Variants in TENM2 observed in about 807,000 individuals in gnomAD.
TENM2 encodes teneurin transmembrane protein 2.
A neutral mutation model predicts 245.2 loss-of-function variants in TENM2; 52 were observed. That is an observed-to-expected ratio of 0.21 (90% CI 0.17 to 0.27). The LOEUF (loss-of-function observed/expected upper bound fraction) is 0.27. Among genes scored for constraint, TENM2 ranks in the 10% least tolerant of loss-of-function variants. TENM2 has a pLI of 1.00. For missense variants in TENM2, 3,046 were observed against 3,666.8 expected, an observed-to-expected ratio of 0.83 and a Z score of 4.37; for synonymous variants, 1,363 against 1,438.9, an observed-to-expected ratio of 0.95 and a Z score of 1.19.
chr5:167,173,632 A>G, the TENM2 span, among the ~76,000 whole-genome samples: 14 of 152,172 alleles, frequency 9.2e-5, no homozygotes, highest in Non-Finnish European at 1.8e-4. Flanking sequence ...AAGAGTGAAG[A>G]CTTGCTACTT....
the TENM2 span, among the ~76,000 whole-genome samples, chr5:167,188,620 A>G: frequency 6.6e-6 from 1 of 152,132 alleles, no homozygotes; most frequent in South Asian, 2.1e-4. Flanking sequence ...AAAGAGTTTG[A>G]CAAGGTTTTT....
chr5:167,665,592 T>C (rs1473580215), intron 2 of TENM2, among the ~76,000 whole-genome samples: 1 of 152,144 alleles, frequency 6.6e-6, no homozygotes, highest in Non-Finnish European at 1.5e-5. Flanking sequence ...AAAAGAGAGA[T>C]ATAAACTAAC....
At chr5:168,154,208 C>G (rs1158179300) in intron 12 of TENM2, among the ~76,000 whole-genome samples, 1 of 132,948 alleles carries the variant, frequency 7.5e-6, no homozygotes, top group Non-Finnish European at 1.6e-5. Context: ...AAGTAAGATA[C>G]ATCTTCCTTT....
the TENM2 span, among the ~76,000 whole-genome samples, chr5:167,097,267 T>A: frequency 6.6e-6 from 1 of 152,152 alleles, no homozygotes; most frequent in African/African-American, 2.4e-5. Context: ...ATTCAGGATG[T>A]TATTTACAAA....
chr5:167,630,454 C>T (rs1582593658), intron 2 of TENM2, among the ~76,000 whole-genome samples: 1 of 152,164 alleles, frequency 6.6e-6, no homozygotes, highest in South Asian at 2.1e-4. Flanking sequence ...AATAATGTTA[C>T]ACAATTTAAA....
the TENM2 span, among the ~76,000 whole-genome samples, chr5:167,149,260 C>T: frequency 6.6e-6 from 1 of 151,826 alleles, no homozygotes; most frequent in Non-Finnish European, 1.5e-5. Flanking sequence ...AGAGGCCTGT[C>T]CTGTTCACTT....
the TENM2 span, among the ~76,000 whole-genome samples, chr5:167,095,201 G>A: frequency 1.4e-4 from 21 of 152,282 alleles, no homozygotes; most frequent in Admixed American, 3.9e-4. Context: ...GAGGATGACC[G>A]TAGATGTTAT....
intron 13 of TENM2, among the ~76,000 whole-genome samples, chr5:168,182,331 A>G (rs1473268603): frequency 1.3e-5 from 2 of 152,248 alleles, no homozygotes; most frequent in African/African-American, 4.8e-5. Context: ...GGAGAGCAGG[A>G]AATATCATTA....
exon 15 of TENM2, chr5:168,195,231 G>A (rs776496865): frequency 1.2e-5 from 20 of 1,608,028 alleles, no homozygotes; most frequent in African/African-American, 6.7e-5. Flanking sequence ...TCCCCTGGTC[G>A]GTGTGAACGT....
At chr5:167,001,031 A>G in the TENM2 span, among the ~76,000 whole-genome samples, 1 of 151,982 alleles carries the variant, frequency 6.6e-6, no homozygotes, top group African/African-American at 2.4e-5. Flanking sequence ...TGGTTTGTTG[A>G]TTGATTGATT....
intron 2 of TENM2, among the ~76,000 whole-genome samples, chr5:167,762,433 C>G (rs981952171): frequency 6.6e-6 from 1 of 152,170 alleles, no homozygotes; most frequent in African/African-American, 2.4e-5. Context: ...CAATCATATT[C>G]TAGAGAGATG....
At chr5:168,096,356 G>A (rs1018333572) in intron 8 of TENM2, among the ~76,000 whole-genome samples, 6 of 152,164 alleles carry the variant, frequency 3.9e-5, no homozygotes, top group Admixed American at 3.9e-4. Flanking sequence ...GAAACAAACA[G>A]GTAGCCACCT....
intron 2 of TENM2, among the ~76,000 whole-genome samples, chr5:167,385,343 A>AT (rs975679228): frequency 7.0e-6 from 1 of 143,058 alleles, no homozygotes; most frequent in African/African-American, 2.6e-5. Flanking sequence ...TTTATCTCTC[A>AT]TTTTTTTAAT....
intron 1 of TENM2, among the ~76,000 whole-genome samples, chr5:167,289,523 G>C (rs1207697519): frequency 6.6e-6 from 1 of 152,162 alleles, no homozygotes; most frequent in African/African-American, 2.4e-5. Context: ...ATCAGTTAAA[G>C]CAAAGAGATA....
chr5:167,957,894 T>G (rs1780687520), intron 4 of TENM2, among the ~76,000 whole-genome samples: 1 of 152,182 alleles, frequency 6.6e-6, no homozygotes. Context: ...TTACTTCCAA[T>G]TATGTGGTCA....
At chr5:167,595,414 G>A (rs577254167) in intron 2 of TENM2, among the ~76,000 whole-genome samples, 1 of 152,312 alleles carries the variant, frequency 6.6e-6, no homozygotes. Context: ...GGATGATGGA[G>A]GAGATGAAAC....
At chr5:167,654,818 G>T (rs987337266) in intron 2 of TENM2, among the ~76,000 whole-genome samples, 1 of 152,026 alleles carries the variant, frequency 6.6e-6, no homozygotes, top group Non-Finnish European at 1.5e-5. Context: ...AGTGTCTGTT[G>T]TGGAGCCTGA....
intron 3 of TENM2, among the ~76,000 whole-genome samples, chr5:167,892,533 C>T (rs946712650): frequency 2.0e-5 from 3 of 152,188 alleles, no homozygotes; most frequent in African/African-American, 4.8e-5. Flanking sequence ...CACAGAATGG[C>T]ATGGCATATG....
intron 7 of TENM2, among the ~76,000 whole-genome samples, chr5:168,076,569 T>C (rs774410057): frequency 2.0e-5 from 3 of 152,136 alleles, no homozygotes; most frequent in Non-Finnish European, 2.9e-5. Context: ...TCCCTGACAT[T>C]ATATTCCCCC....
Sources: allele counts gnomAD v4.1 joint callset (sites outside exome capture counted in the v4.1 genomes callset), GRCh38; gene constraint gnomAD v4.1.1; transcripts MANE v1.5; gene names NCBI Gene and HGNC (gene_info 2026-07-23, HGNC 2026-07-21).